The following TMPRSS15 variants were observed in gnomAD, a reference collection of about 807,000 sequenced individuals.
The protein encoded by TMPRSS15 is transmembrane serine protease 15.
TMPRSS15 carries 128 observed loss-of-function variants against 125.3 expected under a neutral mutation model. The observed-to-expected ratio is 1.02, with a 90% CI of 0.89 to 1.18. TMPRSS15 has a LOEUF of 1.18. TMPRSS15 is among the 50% of genes most tolerant of loss of function. TMPRSS15 has a pLI of 0.00. For synonymous variants in TMPRSS15, 446 were observed against 423.2 expected, an observed-to-expected ratio of 1.05 and a Z score of -0.66; for missense variants, 1,283 against 1,212.7, an observed-to-expected ratio of 1.06 and a Z score of -0.86.
At chr21:18,407,093 A>C (rs2076153802), upstream of TMPRSS15, among the ~76,000 whole-genome samples, 1 of 152,150 alleles carries the variant, frequency 6.6e-6, no homozygotes, top group South Asian at 2.1e-4. Flanking sequence ...TAGTGATGCA[A>C]TTCTGTGGAT....
At chr21:18,407,201 ATT>A (rs1037193357), upstream of TMPRSS15, among the ~76,000 whole-genome samples, 1 of 152,120 alleles carries the variant, frequency 6.6e-6, no homozygotes. Flanking sequence ...AACAAGGTGT[ATT>A]TGTATTGCAT....
intron 3 of TMPRSS15, among the ~76,000 whole-genome samples, chr21:18,384,284 C>A (rs2075921844): frequency 6.6e-6 from 1 of 152,126 alleles, no homozygotes; most frequent in African/African-American, 2.4e-5. Context: ...TCTCCCTCTT[C>A]TTCTCTATTT....
intron 1 of TMPRSS15, among the ~76,000 whole-genome samples, chr21:18,421,198 A>G (rs2076191363): frequency 6.6e-6 from 1 of 152,206 alleles, no homozygotes; most frequent in Admixed American, 6.5e-5. Context: ...GCATATTTCA[A>G]ATGGATTCTC....
intron 3 of TMPRSS15, among the ~76,000 whole-genome samples, chr21:18,384,219 T>A (rs536622418): frequency 9.9e-5 from 15 of 152,200 alleles, no homozygotes; most frequent in African/African-American, 3.6e-4. Context: ...TCAAAGAAAA[T>A]TTTTCTACAT....
chr21:18,310,448 C>A (rs1380339967), intron 18 of TMPRSS15, among the ~76,000 whole-genome samples: 1 of 151,778 alleles, frequency 6.6e-6, no homozygotes, highest in East Asian at 1.9e-4. Context: ...AGAAAGTAAT[C>A]CCATCTACAA....
At chr21:18,371,993 G>T (rs1297379823) in intron 6 of TMPRSS15, among the ~76,000 whole-genome samples, 200 bp downstream of exon 6, 1 of 151,592 alleles carries the variant, frequency 6.6e-6, no homozygotes, top group Admixed American at 6.6e-5. Flanking sequence ...TATTTATAAA[G>T]TTTAGGAAAA....
At chr21:18,455,678 A>T (rs1029909989) in intron 1 of TMPRSS15, among the ~76,000 whole-genome samples, 1 of 152,146 alleles carries the variant, frequency 6.6e-6, no homozygotes, top group Admixed American at 6.6e-5. Flanking sequence ...GTCAGGGAGG[A>T]GAAGACCCCC....
chr21:18,346,895 T>C (rs2075514905), intron 10 of TMPRSS15, among the ~76,000 whole-genome samples: 1 of 152,230 alleles, frequency 6.6e-6, no homozygotes, highest in African/African-American at 2.4e-5. Flanking sequence ...ACAAATACAG[T>C]CTGATATTTG....
intron 12 of TMPRSS15, among the ~76,000 whole-genome samples, chr21:18,342,310 A>G (rs2075455765): frequency 6.6e-6 from 1 of 152,212 alleles, no homozygotes; most frequent in African/African-American, 2.4e-5. Flanking sequence ...TTAATTTTCA[A>G]CACTCATTCA....
At position 18,341,472 on chromosome 21, in the gene TMPRSS15, C is replaced by T. The variant is rs751154905; in HGVS notation, c.1505G>A (p.Cys502Tyr). ...TGGTTCTGGATAAAGACTCCCATTG[C>T]AAATCCCATATGTTAGGCTAATGTC... ...LDDISLTYGI[C>Y]NGSLYPEPTL... Residue 502 changes from cysteine (C) to tyrosine (Y), a missense_variant, in exon 13 of 25, where the codon TGC becomes TAC. Physicochemically the swap from Cys to Tyr is radical, Grantham distance 194. Coordinates refer to ENST00000284885, the MANE Select transcript of TMPRSS15 (RefSeq NM_002772.3). 1 of 1,614,144 alleles carries T rather than the reference C, an allele frequency of 6.2e-7. No homozygotes were observed. Among genetic ancestry groups the T allele is most frequent in the Non-Finnish European group, 8.5e-7 (1 of 1,180,000 alleles).
At chr21:18,271,944 T>C (rs2074561974) in intron 24 of TMPRSS15, among the ~76,000 whole-genome samples, 2 of 152,024 alleles carry the variant, frequency 1.3e-5, no homozygotes, top group African/African-American at 2.4e-5. Flanking sequence ...TCCCATGGTG[T>C]ATATGTGCCA....
chr21:18,307,329 G>T (rs531595577), intron 18 of TMPRSS15, among the ~76,000 whole-genome samples: 40 of 152,220 alleles, frequency 2.6e-4, no homozygotes, highest in African/African-American at 9.1e-4. Flanking sequence ...AAAAAATCTG[G>T]TTATTTGTCT....
Position 18,275,269 on chromosome 21 carries a change from C to A in TMPRSS15, c.2832G>T (p.Gln944His), listed in dbSNP as rs1465955260. Residue 944 changes from glutamine to histidine, a missense_variant, in exon 24 of 25, where the codon CAG (glutamine) becomes CAT (histidine). Gln to His is a conservative substitution (Grantham distance 24). Coordinates refer to ENST00000284885, the MANE Select transcript of TMPRSS15 (RefSeq NM_002772.3). ...TTTCAGTAATGTTATATTCTGGCAT[C>A]TGCTGTTGGCATCTCTCATTTGATA... ...PLLSNERCQQ[Q>H]MPEYNITENM... The A allele has an allele frequency of 6.2e-7, 1 of 1,613,952 alleles. No individual in the cohort carries two copies. The highest frequency in any genetic ancestry group is 8.5e-7 in the Non-Finnish European group (1 of 1,179,978).
At chr21:18,314,123 C>CT (rs5842680) in intron 17 of TMPRSS15, among the ~76,000 whole-genome samples, 2 of 151,654 alleles carry the variant, frequency 1.3e-5, no homozygotes, top group Non-Finnish European at 1.5e-5. Context: ...CATTGTTTAC[C>CT]TTTTTTTTCC....
At chr21:18,403,857 G>T (rs914422414), upstream of TMPRSS15, among the ~76,000 whole-genome samples, 1 of 152,140 alleles carries the variant, frequency 6.6e-6, no homozygotes, top group Non-Finnish European at 1.5e-5. Flanking sequence ...AATGAGTAAA[G>T]ATGCCTAGAG....
At position 18,448,941 on chromosome 21, in the gene TMPRSS15, A is replaced by C. The variant is rs576475938; in HGVS notation, c.10+36858T>G. On this transcript the variant is annotated intron_variant, in intron 1 of 7. Coordinates refer to the TMPRSS15 transcript ENST00000422787. ...ATAAAGTCTAGTATATCTTTTTTTG[A>C]AACAGACAAACTGGGTCTTAAAATA... Among the ~76,000 whole-genome samples, 3 of 152,200 alleles carry C rather than the reference A, an allele frequency of 2.0e-5. No homozygotes were observed. The South Asian group carries it at 6.2e-4, about 32-fold the overall frequency.
chr21:18,411,490 CT>C (rs1433414533), intron 1 of TMPRSS15, among the ~76,000 whole-genome samples: 4 of 152,046 alleles, frequency 2.6e-5, no homozygotes, highest in African/African-American at 9.7e-5. Context: ...ATTAAAAAGT[CT>C]TTTTTTCCCT....
At chr21:18,293,477 C>G (rs1336405087) in intron 21 of TMPRSS15, among the ~76,000 whole-genome samples, 1 of 152,128 alleles carries the variant, frequency 6.6e-6, no homozygotes, top group Non-Finnish European at 1.5e-5. Context: ...CAAGCTCATA[C>G]GTATTATATG....
intron 1 of TMPRSS15, among the ~76,000 whole-genome samples, chr21:18,456,667 C>A (rs1978447334): frequency 1.3e-5 from 2 of 151,960 alleles, no homozygotes; most frequent in African/African-American, 4.8e-5. Flanking sequence ...TTAATTAGAG[C>A]TGTATATTAT....
Sources: allele counts gnomAD v4.1 joint callset (sites outside exome capture counted in the v4.1 genomes callset), GRCh38; gene constraint gnomAD v4.1.1; transcripts MANE v1.5; gene names NCBI Gene and HGNC (gene_info 2026-07-23, HGNC 2026-07-21).